The following TG variants were observed in gnomAD, a reference collection of about 807,000 sequenced individuals.
TG encodes thyroid hormones.
TG carries 270 observed loss-of-function variants against 324.7 expected under a neutral mutation model. That is an observed-to-expected ratio of 0.83 (90% CI 0.75 to 0.92). The LOEUF (loss-of-function observed/expected upper bound fraction) is 0.92. TG is among the 40% of genes least tolerant of loss of function. The pLI, the probability that TG is intolerant of heterozygous loss-of-function variation, is 0.00. For synonymous variants in TG, 1,401 were observed against 1,327.0 expected (o/e 1.06, Z -1.21); for missense variants, 3,591 against 3,456.4 (o/e 1.04, Z -0.98).
At chr8:132,880,594 A>G (rs1468240263) in intron 5 of TG, among the ~76,000 whole-genome samples, 3 of 152,228 alleles carry the variant, frequency 2.0e-5, no homozygotes, top group Non-Finnish European at 4.4e-5. Context: ...AACCTCATCC[A>G]TAATCCTATA....
At chr8:132,903,712 G>A (rs1235937694) in intron 16 of TG, among the ~76,000 whole-genome samples, 1 of 152,160 alleles carries the variant, frequency 6.6e-6, no homozygotes, top group Non-Finnish European at 1.5e-5. Context: ...ACCTCTTTCT[G>A]CTGACTCACT....
At chr8:133,082,817 C>T (rs538656362) in intron 41 of TG, among the ~76,000 whole-genome samples, 1 of 146,222 alleles carries the variant, frequency 6.8e-6, no homozygotes, top group Non-Finnish European at 1.6e-5. Flanking sequence ...ACTTTCATGG[C>T]ATATACTTTT....
rs776346465 is a variant in TG at position 132,898,945 on chromosome 8, C to T, written c.3330+35C>T. 4.5e-6 allele frequency: 7 copies of T among 1,549,416 alleles called. No homozygotes were observed. The Admixed American group carries it at 1.2e-4, about 27-fold the overall frequency. ...TGGAAGCACAGGATTGGAGCCGGGA[C>T]TTGTCCCCGCTGGTCAGAGATGATT... On this transcript the variant is annotated intron_variant, in intron 14 of 47. Coordinates refer to ENST00000220616, the MANE Select transcript of TG (RefSeq NM_003235.5).
intron 12 of TG, 32 bp downstream of exon 12, chr8:132,897,818 A>G: frequency 6.2e-7 from 1 of 1,613,474 alleles, no homozygotes; most frequent in African/African-American, 1.3e-5. Context: ...CAGGTGGCCA[A>G]GTGACACCCC....
intron 29 of TG, among the ~76,000 whole-genome samples, chr8:132,965,585 C>G (rs4736616): frequency 0.28 from 41,863 of 152,204 alleles, 7,069 homozygotes; most frequent in East Asian, 0.48. Context: ...AGACAGAGCC[C>G]TCCAAGGTTA....
chr8:133,070,538 G>A (rs2702993), intron 41 of TG, among the ~76,000 whole-genome samples: 12,434 of 152,140 alleles, frequency 0.082, 1,631 homozygotes, highest in African/African-American at 0.28. Flanking sequence ...GCTCAGGGTC[G>A]TACAGCTAGC....
intron 9 of TG, 69 bp from the exon 10 acceptor site, chr8:132,887,915 G>A: frequency 7.0e-7 from 1 of 1,438,598 alleles, no homozygotes; most frequent in Non-Finnish European, 9.6e-7. Flanking sequence ...CAGTTAAGTG[G>A]TTTTATCTTG....
rs1178395088 is a variant in TG at position 133,013,762 on chromosome 8, C to T, written c.6560C>T (p.Pro2187Leu). The T allele has an allele frequency of 6.2e-7, 1 of 1,609,280 alleles. No individual in the cohort carries two copies. ...GAGGCCACCCACATCTACCGGAAGC[C>T]AGGTAAGCCCAAGCCTATGCCTTTG... ...REEATHIYRKPGISLLSYEAS... is the reference protein window; with the variant it reads ...REEATHIYRKLGISLLSYEAS... The change falls in exon 37 of 48, where the codon CCA becomes CTA. Residue 2187 changes from proline (P) to leucine (L), a missense_variant and splice_region_variant. By Grantham distance (98) the Pro-to-Leu change is moderately conservative. Transcript: ENST00000220616.
At position 132,887,172 on chromosome 8, in the gene TG, A is replaced by G; in HGVS notation, c.1800A>G (p.Glu600=). The change falls in exon 9 of 48, where the codon GAA becomes GAG. Residue 600 remains glutamate (E), a synonymous_variant. Transcript: ENST00000220616. ...DVARDLGDVM[E]TVLSSQTCEQ... is the part of the protein sequence containing the mutation. ...CAAGAGATTTAGGTGATGTGATGGA[A>G]ACGGTACTCAGCTCCCAGACCTGTG... 1 of 1,614,066 alleles carries G rather than the reference A, an allele frequency of 6.2e-7. No homozygotes were observed.
At chr8:132,891,106 G>A (rs1484611169) in intron 10 of TG, among the ~76,000 whole-genome samples, 1 of 152,086 alleles carries the variant, frequency 6.6e-6, no homozygotes, top group Non-Finnish European at 1.5e-5. Context: ...TCAGAGAAAG[G>A]GGCTACTAAC....
chr8:133,073,465 C>T lies in TG; in HGVS notation c.7240-21579C>T, dbSNP rs372255310. 2.6e-5 allele frequency among the ~76,000 whole-genome samples: 4 copies of T among 152,088 alleles called. No individual in the cohort carries two copies. In the East Asian group the frequency reaches 5.8e-4, roughly 22 times the overall value. On this transcript the variant is annotated intron_variant, in intron 41 of 47. Transcript: ENST00000220616. ...GCAACCTCCACCTCTCGGGTTCAAG[C>T]GATTATCCTGTCTCGCCTCCCGAGT...
At chr8:133,121,458 T>C (rs1409600955) in intron 45 of TG, among the ~76,000 whole-genome samples, 1 of 152,110 alleles carries the variant, frequency 6.6e-6, no homozygotes. Flanking sequence ...CCTAAAGAAA[T>C]CGTTTAGTTC....
intron 8 of TG, among the ~76,000 whole-genome samples, chr8:132,885,308 A>G (rs1293703897): frequency 6.6e-6 from 1 of 152,180 alleles, no homozygotes; most frequent in Non-Finnish European, 1.5e-5. Context: ...TTGACCATGC[A>G]AAGAGTTGGC....
intron 41 of TG, chr8:133,038,324 C>A: frequency 1.7e-6 from 1 of 600,858 alleles, no homozygotes. Context: ...ATGCCACAGC[C>A]CTGATCAGAC....
At chr8:133,068,623 C>T (rs2131400865) in intron 41 of TG, among the ~76,000 whole-genome samples, 1 of 152,318 alleles carries the variant, frequency 6.6e-6, no homozygotes, top group South Asian at 2.1e-4. Flanking sequence ...GCTGTGCACA[C>T]CCTGCAGTCT....
intron 29 of TG, among the ~76,000 whole-genome samples, chr8:132,965,475 T>C (rs1828417230): frequency 6.6e-6 from 1 of 152,244 alleles, no homozygotes; most frequent in African/African-American, 2.4e-5. Flanking sequence ...ATATGGGATG[T>C]AGTGCCCCTT....
chr8:132,883,758 CG>C (rs895431711), intron 8 of TG, among the ~76,000 whole-genome samples: 2 of 152,058 alleles, frequency 1.3e-5, no homozygotes, highest in African/African-American at 4.8e-5. Flanking sequence ...CCGGAGGCAA[CG>C]GGGCTAATTA....
chr8:133,096,521 G>A (rs2131645621), intron 43 of TG, 148 bp downstream of exon 43: 3 of 973,276 alleles, frequency 3.1e-6, no homozygotes, highest in East Asian at 2.5e-5. Flanking sequence ...GTGGTAATGG[G>A]GGGATTTAGA....
At chr8:133,023,034 ATC>A (rs890356909) in intron 40 of TG, among the ~76,000 whole-genome samples, 2 of 152,246 alleles carry the variant, frequency 1.3e-5, no homozygotes, top group African/African-American at 4.8e-5. Flanking sequence ...TGACTGCTTC[ATC>A]TCTGTTTCCC....
Sources: gnomAD v4.1 joint callset for allele counts (sites outside exome capture counted in the v4.1 genomes callset) on GRCh38, gnomAD v4.1.1 for gene constraint, MANE v1.5 for transcripts, NCBI Gene and HGNC (gene_info 2026-07-23, HGNC 2026-07-21) for gene names.